The following CNTN5 variants were observed in gnomAD, a reference collection of about 807,000 sequenced individuals.
CNTN5 encodes contactin-5.
In CNTN5, 77 loss-of-function variants were observed where a neutral mutation model predicts 129.1. The ratio of observed to expected loss-of-function variants is 0.60; its 90% CI spans 0.50 to 0.72. CNTN5 has a LOEUF of 0.72. Ranked by LOEUF, CNTN5 falls within the 30% of genes least tolerant of loss-of-function variation. The pLI, the probability that CNTN5 is intolerant of heterozygous loss-of-function variation, is 0.00. For synonymous variants in CNTN5, 509 were observed against 465.6 expected, an observed-to-expected ratio of 1.09 and a Z score of -1.20; for missense variants, 1,478 against 1,328.8, an observed-to-expected ratio of 1.11 and a Z score of -1.75.
At chr11:99,446,690 G>T (rs977254499) in intron 2 of CNTN5, among the ~76,000 whole-genome samples, 2 of 152,108 alleles carry the variant, frequency 1.3e-5, no homozygotes, top group Admixed American at 6.5e-5. Context: ...AATTTATTTT[G>T]CCTGTAGTCT....
At chr11:100,287,848 A>G (rs975966573) in intron 18 of CNTN5, among the ~76,000 whole-genome samples, 10 of 152,198 alleles carry the variant, frequency 6.6e-5, no homozygotes, top group East Asian at 3.9e-4. Context: ...TCAGTGTGCT[A>G]TATTCAGGAA....
At chr11:99,872,016 A>G (rs1240302185) in intron 6 of CNTN5, among the ~76,000 whole-genome samples, 2 of 151,978 alleles carry the variant, frequency 1.3e-5, no homozygotes, top group African/African-American at 4.8e-5. Context: ...AATGGAAACA[A>G]TGGTTATGCA....
At chr11:99,819,817 C>A in intron 4 of CNTN5, 52 bp downstream of exon 4, 1 of 582,500 alleles carries the variant, frequency 1.7e-6, no homozygotes, top group Non-Finnish European at 2.2e-6. Context: ...GCAAAGAAGA[C>A]TTATTTAATA....
intron 21 of CNTN5, among the ~76,000 whole-genome samples, chr11:100,331,401 C>G (rs1951903504): frequency 6.6e-6 from 1 of 152,038 alleles, no homozygotes; most frequent in Non-Finnish European, 1.5e-5. Context: ...CTTTAATACT[C>G]CACTGACAGT....
At chr11:99,936,408 A>G (rs530746695) in intron 7 of CNTN5, among the ~76,000 whole-genome samples, 53 of 152,270 alleles carry the variant, frequency 3.5e-4, no homozygotes, top group African/African-American at 9.9e-4. Context: ...ATATTATCCA[A>G]TTAATTCTGT....
chr11:99,214,109 G>A (rs1237425976), intron 1 of CNTN5, among the ~76,000 whole-genome samples: 3 of 151,986 alleles, frequency 2.0e-5, no homozygotes, highest in African/African-American at 7.2e-5. Context: ...CAACGGATAG[G>A]AGCACACCTG....
chr11:99,732,066 A>G (rs887566605), intron 3 of CNTN5, among the ~76,000 whole-genome samples: 12 of 152,232 alleles, frequency 7.9e-5, no homozygotes, highest in African/African-American at 2.9e-4. Context: ...TAGGATGTAG[A>G]TACAAAGAAG....
intron 3 of CNTN5, among the ~76,000 whole-genome samples, chr11:99,812,248 T>G (rs1946450511): frequency 6.6e-6 from 1 of 152,118 alleles, no homozygotes; most frequent in Non-Finnish European, 1.5e-5. Context: ...AGAATTTGTT[T>G]TTGGGAATAC....
intron 3 of CNTN5, among the ~76,000 whole-genome samples, chr11:99,722,780 C>G (rs1413168443): frequency 6.6e-6 from 1 of 151,848 alleles, no homozygotes; most frequent in Non-Finnish European, 1.5e-5. Context: ...GAGCCCACAA[C>G]TCTCCCCATA....
intron 2 of CNTN5, among the ~76,000 whole-genome samples, chr11:99,377,934 C>T (rs189864191): frequency 1.7e-3 from 259 of 152,180 alleles, no homozygotes; most frequent in African/African-American, 6.0e-3. Context: ...CATTTGGTCT[C>T]TTGAAAATAT....
At chr11:99,962,867 A>G (rs9667178) in intron 8 of CNTN5, among the ~76,000 whole-genome samples, 18,244 of 143,868 alleles carry the variant, frequency 0.13, 1,628 homozygotes, top group African/African-American at 0.24. Flanking sequence ...GTGTGAGATG[A>G]TATCTCATTG....
In CNTN5 at chr11:99,383,597, T is replaced by C. The variant is rs367556457; in HGVS notation, c.-71+58113T>C. ...TCATATATTTAGGTTGAGAAGCTGC[T>C]TTTTTTTTTTTCTTTTGGCATTAAA... On this transcript the variant is annotated intron_variant, in intron 2 of 24. Transcript: ENST00000524871. Among the ~76,000 whole-genome samples the C allele has an allele frequency of 1.6e-3, 122 of 75,354 alleles. 1 individual carries two copies. The highest frequency in any genetic ancestry group is 4.8e-3 in the African/African-American group (116 of 24,144). 49.4% of individuals were successfully genotyped at this position (75,354 alleles called of 152,430 possible). A position where few individuals can be genotyped will look rare whatever the true frequency, so the allele number is the denominator to read the frequency against.
intron 1 of CNTN5, among the ~76,000 whole-genome samples, chr11:99,144,231 A>C (rs1859669935): frequency 6.6e-6 from 1 of 152,224 alleles, no homozygotes; most frequent in Non-Finnish European, 1.5e-5. Flanking sequence ...GAGAATTTGA[A>C]TTAAGAATAA....
chr11:99,937,805 C>T (rs753670088), intron 7 of CNTN5, among the ~76,000 whole-genome samples: 2 of 152,152 alleles, frequency 1.3e-5, no homozygotes, highest in Non-Finnish European at 2.9e-5. Context: ...AACCGAGAGT[C>T]CTAAATGTTA....
intron 1 of CNTN5, among the ~76,000 whole-genome samples, chr11:99,056,766 C>G (rs1864641097): frequency 6.6e-6 from 1 of 151,896 alleles, no homozygotes; most frequent in Non-Finnish European, 1.5e-5. Context: ...TCATGGTAAG[C>G]ATGATAGTAA....
chr11:99,179,733 T>C (rs1183479337), intron 1 of CNTN5, among the ~76,000 whole-genome samples: 1 of 152,194 alleles, frequency 6.6e-6, no homozygotes, highest in Non-Finnish European at 1.5e-5. Flanking sequence ...GTGTTTAATT[T>C]CATGTTGCTA....
At chr11:99,332,991 C>T (rs76574786) in intron 2 of CNTN5, among the ~76,000 whole-genome samples, 15,002 of 151,880 alleles carry the variant, frequency 0.099, 761 homozygotes, top group South Asian at 0.14. Flanking sequence ...ATTTAGAAGC[C>T]GCTACCTATA....
intron 6 of CNTN5, among the ~76,000 whole-genome samples, chr11:99,873,270 T>TAA (rs141043332): frequency 6.0e-5 from 9 of 148,766 alleles, no homozygotes; most frequent in East Asian, 3.9e-4. Context: ...TTTTGCACAT[T>TAA]AAAAAAAAAA....
intron 2 of CNTN5, among the ~76,000 whole-genome samples, chr11:99,549,680 C>T (rs1175459624): frequency 6.6e-6 from 1 of 152,126 alleles, no homozygotes; most frequent in African/African-American, 2.4e-5. Context: ...AGGAAATCTA[C>T]TGCCACTCAG....
Sources: allele counts gnomAD v4.1 joint callset (sites outside exome capture counted in the v4.1 genomes callset), GRCh38; gene constraint gnomAD v4.1.1; transcripts MANE v1.5; gene names NCBI Gene and HGNC (gene_info 2026-07-23, HGNC 2026-07-21).